Variants in THBS2 observed in about 807,000 individuals in gnomAD.
THBS2 encodes the protein thrombospondin 2, also known as thrombospondin-2.
THBS2 carries 47 observed loss-of-function variants against 135.2 expected under a neutral mutation model. That is an observed-to-expected ratio of 0.35 (90% CI 0.28 to 0.44). The LOEUF (loss-of-function observed/expected upper bound fraction) is 0.44, where lower values mean the gene tolerates loss of function less well. Ranked by LOEUF, THBS2 falls within the 20% of genes least tolerant of loss-of-function variation. THBS2 has a pLI of 1.00. For missense variants in THBS2, 1,288 were observed against 1,603.1 expected (o/e 0.80, Z 3.36); for synonymous variants, 639 against 633.8 (o/e 1.01, Z -0.12).
intron 6 of THBS2, 79 bp from the exon 7 acceptor site, chr6:169,239,774 G>T: frequency 9.1e-7 from 1 of 1,095,500 alleles, no homozygotes; most frequent in Non-Finnish European, 1.4e-6. Flanking sequence ...ACTAGAAGGG[G>T]TCGACAGAAT....
intron 2 of THBS2, 67 bp from the exon 3 acceptor site, chr6:169,249,040 G>A (rs1179891596): frequency 5.4e-6 from 8 of 1,472,132 alleles, no homozygotes; most frequent in African/African-American, 1.4e-5. Context: ...CTGACCCAGG[G>A]TGACAAACCA....
intron 1 of THBS2, chr6:169,251,865 G>T (rs546994796): frequency 3.8e-5 from 3 of 79,170 alleles, no homozygotes; most frequent in South Asian, 3.8e-4. Flanking sequence ...CCCCAGTGCC[G>T]CCCCAGGGGT....
intron 3 of THBS2, 121 bp downstream of exon 3, chr6:169,248,296 G>A: frequency 7.7e-6 from 9 of 1,173,792 alleles, no homozygotes; most frequent in Non-Finnish European, 1.1e-5. Flanking sequence ...GGGATGTGCA[G>A]TGTGCTTCTC....
chr6:169,222,886 A>G (rs1328703002), intron 18 of THBS2, among the ~76,000 whole-genome samples: 1 of 151,918 alleles, frequency 6.6e-6, no homozygotes, highest in Non-Finnish European at 1.5e-5. Flanking sequence ...GTGGATGCCC[A>G]GCAGGCAGGG....
At chr6:169,232,519 G>C in intron 12 of THBS2, 145 bp downstream of exon 12, 2 of 1,360,130 alleles carry the variant, frequency 1.5e-6, no homozygotes, top group Admixed American at 2.3e-5. Flanking sequence ...CAGCCGAGCA[G>C]GTGCTCAGCT....
intron 13 of THBS2, among the ~76,000 whole-genome samples, chr6:169,230,791 G>A (rs1180418255): frequency 1.3e-5 from 2 of 152,142 alleles, no homozygotes; most frequent in African/African-American, 4.8e-5. Context: ...TAGCCAAGGG[G>A]TGTAACATAG....
intron 18 of THBS2, 135 bp downstream of exon 18, chr6:169,223,113 G>A: frequency 1.3e-6 from 1 of 788,752 alleles, no homozygotes; most frequent in South Asian, 1.9e-5. Context: ...CAGTTTCACA[G>A]ACCATGGAAG....
chr6:169,225,393 CG>C lies in THBS2; in HGVS notation c.2539-15del. On this transcript the variant is annotated splice_polypyrimidine_tract_variant and intron_variant, in intron 16 of 21. Transcript: ENST00000617924. ...GTCCACGTCGGTCTAGGGGATGGGGCGTGAGAGAAACAGCAGAGGACTGCCA... is the reference window on the plus strand; with the variant it reads ...GTCCACGTCGGTCTAGGGGATGGGGCTGAGAGAAACAGCAGAGGACTGCCA... 1 of 1,551,888 alleles carries C rather than the reference CG, an allele frequency of 6.4e-7. No individual in the cohort carries two copies. The highest frequency in any genetic ancestry group is 1.2e-5 in the South Asian group (1 of 84,106).
chr6:169,248,175 T>TTGTGTGTGTGTGTGGTG (rs1780621382), intron 3 of THBS2, among the ~76,000 whole-genome samples: 1 of 149,484 alleles, frequency 6.7e-6, no homozygotes, highest in Non-Finnish European at 1.5e-5. Context: ...GCATGTGTGT[T>TTGTGTGTGTGTGTGGTG]TGTGTGTGTG....
At chr6:169,236,232 C>G (rs560253510) in intron 9 of THBS2, among the ~76,000 whole-genome samples, 15 of 134,108 alleles carry the variant, frequency 1.1e-4, no homozygotes, top group African/African-American at 4.4e-4. Context: ...CACTCCCCAT[C>G]CACACTCACT....
intron 8 of THBS2, 48 bp from the exon 9 acceptor site, chr6:169,237,394 A>G: frequency 6.2e-7 from 1 of 1,607,240 alleles, no homozygotes; most frequent in Non-Finnish European, 8.5e-7. Flanking sequence ...CTAGAGGGGT[A>G]TTTGCCTGTA....
At position 169,217,849 on chromosome 6, in the gene THBS2, A is replaced by G. The variant is rs368144721; in HGVS notation, c.3512-20T>C. 1.4e-6 allele frequency: 2 copies of G among 1,449,912 alleles called. No homozygotes were observed. The highest frequency in any genetic ancestry group is 2.3e-5 in the East Asian group (1 of 43,986). The allele number at this position is 1,449,912 out of a possible 1,614,324, so 89.8% of individuals were successfully genotyped here. On this transcript the variant is annotated intron_variant, in intron 21 of 21. Transcript: ENST00000617924. Reference sequence around the variant, plus strand: ...AAATATCTACAAAAAGAAAAAAAAAAGCAATAAACAATTAGCATAACTGGG... The same window carrying G: ...AAATATCTACAAAAAGAAAAAAAAAGGCAATAAACAATTAGCATAACTGGG...
rs753627835 is a variant in THBS2, at chr6:169,241,722, C to T, written c.891+40G>A. ...GAGATGGGCCAGCGGCGGAGCTGCC[C>T]ATGCCCTATGACCCCCGCGGCCCCT... On this transcript the variant is annotated intron_variant, in intron 5 of 21. Transcript: ENST00000617924. The surrounding 1 kb of genome is among the most constrained non-coding windows in gnomAD (Gnocchi z 5.5). 16 of 1,564,620 alleles carry T rather than the reference C, an allele frequency of 1.0e-5. No homozygotes were observed. The South Asian group carries it at 1.5e-4, about 15-fold the overall frequency.
In THBS2 at chr6:169,228,122, C is replaced by T. The variant is rs1335785590; in HGVS notation, c.2419G>A (p.Asp807Asn). Residue 807 changes from aspartate (D) to asparagine (N), a missense_variant and splice_region_variant, in exon 15 of 22, where the codon GAT becomes AAT. By Grantham distance (23) the Asp-to-Asn change is conservative. Around this residue, in one of 2 missense-constraint regions of THBS2, gnomAD observed 874 missense variants for 1,156.1 expected, o/e 0.76. Coordinates refer to ENST00000617924, the MANE Select transcript of THBS2 (RefSeq NM_003247.5). ...DACSVDIDGD[D>N]VFNERDNCPY... ...CATGGGAAGGAGCAGAAGCACCCAC[C>T]GTCCCCATCAATGTCCACGGAGCAG... 1 of 1,611,002 alleles carries T rather than the reference C, an allele frequency of 6.2e-7. No individual in the cohort carries two copies. Among genetic ancestry groups the T allele is most frequent in the Non-Finnish European group, 8.5e-7 (1 of 1,178,984 alleles).
At chr6:169,230,327 G>A (rs557855398) in intron 13 of THBS2, among the ~76,000 whole-genome samples, 2 of 152,292 alleles carry the variant, frequency 1.3e-5, no homozygotes, top group East Asian at 1.9e-4. Flanking sequence ...AGAGAGTAGC[G>A]TGTCCGTTTC....
In THBS2 at chr6:169,241,827, T is replaced by C. The variant is rs1329516489; in HGVS notation, c.826A>G (p.Met276Val). ...TGGAGCCCCGAGAGCTCCTGGACCA[T>C]GTTTCCCAGCTCCTCGCACGAGCGT... is the stretch of plus-strand genomic sequence containing the variant. Reference protein sequence around the residue: ...CERSCEELGNMVQELSGLHVL... With the variant: ...CERSCEELGNVVQELSGLHVL... Residue 276 changes from methionine (M) to valine (V), a missense_variant, in exon 5 of 22, where the codon ATG becomes GTG. Coordinates refer to ENST00000617924, the MANE Select transcript of THBS2 (RefSeq NM_003247.5). The surrounding 1 kb of genome is among the most constrained non-coding windows in gnomAD (Gnocchi z 5.5). 1 of 1,612,806 alleles carries C rather than the reference T, an allele frequency of 6.2e-7. No individual in the cohort carries two copies. The highest frequency in any genetic ancestry group is 8.5e-7 in the Non-Finnish European group (1 of 1,179,942).
chr6:169,239,683 T>G lies in THBS2; in HGVS notation c.1045A>C (p.Ile349Leu), dbSNP rs1225605972. ...TTCTCKKFKTICHQITCPPAT... is the reference protein window; with the variant it reads ...TTCTCKKFKTLCHQITCPPAT... Reference sequence around the variant, plus strand: ...GGCGGGCAGGTGATTTGGTGGCAAATGGTTTTAAATTTCTACAAGTGAAGA... The same window carrying G: ...GGCGGGCAGGTGATTTGGTGGCAAAGGGTTTTAAATTTCTACAAGTGAAGA... The change falls in exon 7 of 22, where the codon ATT (isoleucine) becomes CTT (leucine). Residue 349 changes from isoleucine to leucine, a missense_variant. By Grantham distance (5) the Ile-to-Leu change is conservative. Coordinates refer to ENST00000617924, the MANE Select transcript of THBS2 (RefSeq NM_003247.5). The G allele has an allele frequency of 1.3e-6, 2 of 1,597,772 alleles. No individual in the cohort carries two copies. The highest frequency in any genetic ancestry group is 1.7e-6 in the Non-Finnish European group (2 of 1,172,586).
intron 4 of THBS2, among the ~76,000 whole-genome samples, chr6:169,244,938 G>C (rs1050541222): frequency 1.3e-5 from 2 of 152,180 alleles, no homozygotes; most frequent in African/African-American, 4.8e-5. Context: ...CAAGGACCCG[G>C]ACCTGCAAAG....
At chr6:169,224,122 A>G (rs1042519662) in intron 17 of THBS2, among the ~76,000 whole-genome samples, 3 of 129,016 alleles carry the variant, frequency 2.3e-5, no homozygotes, top group African/African-American at 9.7e-5. Flanking sequence ...TGAATTAGCT[A>G]TCACGTGGCC....
Sources: allele counts gnomAD v4.1 joint callset (sites outside exome capture counted in the v4.1 genomes callset), GRCh38; gene constraint gnomAD v4.1.1; regional missense constraint gnomAD v4.1.1; non-coding constraint Gnocchi (gnomAD v3.1); transcripts MANE v1.5; gene names NCBI Gene and HGNC (gene_info 2026-07-23, HGNC 2026-07-21).